SARNP: variants seen among roughly 807,000 people sequenced by gnomAD.
The protein encoded by SARNP is SAP domain containing ribonucleoprotein.
A neutral mutation model predicts 38.1 loss-of-function variants in SARNP; 5 were observed. The ratio of observed to expected loss-of-function variants is 0.13; its 90% CI spans 0.07 to 0.28. SARNP has a LOEUF of 0.28. Ranked by LOEUF, SARNP falls within the 10% of genes least tolerant of loss-of-function variation. The pLI is 1.00. For synonymous variants in SARNP, 84 were observed against 80.6 expected (o/e 1.04, Z -0.23); for missense variants, 180 against 243.9 (o/e 0.74, Z 1.75).
At chr12:55,805,882 A>T (rs1009802186) in intron 1 of SARNP, among the ~76,000 whole-genome samples, 15 of 151,758 alleles carry the variant, frequency 9.9e-5, no homozygotes, top group Non-Finnish European at 2.1e-4. Context: ...AATATAAAAT[A>T]CAAAACTAGC....
In SARNP at chr12:55,764,319, G is replaced by A. The variant is rs544424345; in HGVS notation, c.502-3679C>T. On this transcript the variant is annotated intron_variant, in intron 9 of 10. Transcript: ENST00000336133. ...AGGAAGGATCTTCTAAAATCCTGAG[G>A]TCGGGAGTTCGAGACCAGCCTGACC... 7.5e-4 allele frequency among the ~76,000 whole-genome samples: 114 copies of A among 152,056 alleles called. 1 individual carries two copies. Among genetic ancestry groups the A allele is most frequent in the African/African-American group, 2.7e-3 (110 of 41,484 alleles).
chr12:55,817,620 C>A, intron 1 of SARNP, 46 bp downstream of exon 1: 1 of 1,579,286 alleles, frequency 6.3e-7, no homozygotes, highest in Non-Finnish European at 8.7e-7. Flanking sequence ...CTGTAGAATT[C>A]AGTTCCTAGA....
chr12:55,795,294 T>C (rs568504066), intron 5 of SARNP, among the ~76,000 whole-genome samples: 1 of 152,184 alleles, frequency 6.6e-6, no homozygotes, highest in East Asian at 1.9e-4. Flanking sequence ...AGAAGTAATT[T>C]CTTAGGGTCT....
intron 9 of SARNP, among the ~76,000 whole-genome samples, chr12:55,770,456 G>A (rs1202217084): frequency 6.6e-6 from 1 of 150,378 alleles, no homozygotes; most frequent in African/African-American, 2.5e-5. Context: ...AGCCAGGATG[G>A]TCTCGATCTC....
In SARNP at chr12:55,799,217, T is replaced by C. The variant is rs1195010343; in HGVS notation, c.251+1345A>G. Among the ~76,000 whole-genome samples the C allele has an allele frequency of 3.9e-5, 6 of 152,352 alleles. No homozygotes were observed. The South Asian group carries it at 1.0e-3, about 26-fold the overall frequency. On this transcript the variant is annotated intron_variant, in intron 4 of 10. Coordinates refer to ENST00000336133, the MANE Select transcript of SARNP (RefSeq NM_033082.4). The stretch of plus-strand genomic sequence containing the variant: ...AATTCTTAATTGATATACTCCACTA[T>C]GTACTGACTTTTTACTTGTAAATAC...
intron 9 of SARNP, among the ~76,000 whole-genome samples, chr12:55,771,221 G>A: frequency 6.6e-6 from 1 of 152,106 alleles, no homozygotes; most frequent in Non-Finnish European, 1.5e-5. Context: ...GCCTCCCAAA[G>A]TGCTGGGATT....
At chr12:55,817,555 G>T in intron 1 of SARNP, 111 bp downstream of exon 1, 1 of 1,012,254 alleles carries the variant, frequency 9.9e-7, no homozygotes, top group Non-Finnish European at 1.5e-6. Context: ...CGGGAGCCGA[G>T]AAACGAAGTG....
intron 1 of SARNP, among the ~76,000 whole-genome samples, chr12:55,813,533 C>T (rs1880393422): frequency 7.5e-6 from 1 of 133,740 alleles, no homozygotes; most frequent in Admixed American, 9.1e-5. Context: ...ACACAGGCTG[C>T]CTGGAATTTT....
At position 55,767,185 on chromosome 12, in the gene SARNP, A is replaced by G. The variant is rs190880938; in HGVS notation, c.502-6545T>C. ...ATTGCCGTATTTCTCCTGGTCCTTGAAACAAAGTTTGAGATCACAATCAAA... is the reference window on the plus strand; with the variant it reads ...ATTGCCGTATTTCTCCTGGTCCTTGGAACAAAGTTTGAGATCACAATCAAA... On this transcript the variant is annotated intron_variant, in intron 9 of 10. Coordinates refer to ENST00000336133, the MANE Select transcript of SARNP (RefSeq NM_033082.4). 1.4e-3 allele frequency among the ~76,000 whole-genome samples: 207 copies of G among 152,276 alleles called. 3 individuals carry two copies. The Middle Eastern group carries it at 0.034, about 25-fold the overall frequency.
chr12:55,800,023 C>G (rs185673392), intron 4 of SARNP, among the ~76,000 whole-genome samples: 53 of 151,746 alleles, frequency 3.5e-4, no homozygotes, highest in Admixed American at 1.4e-3. Context: ...AACCCTGTCT[C>G]TACTAAAAAT....
chr12:55,810,699 C>T (rs1164324448), intron 1 of SARNP, among the ~76,000 whole-genome samples: 1 of 151,390 alleles, frequency 6.6e-6, no homozygotes, highest in African/African-American at 2.4e-5. Flanking sequence ...GTGATCTTCC[C>T]GCCTCGGCCT....
rs527484677 is a variant in SARNP, at chr12:55,767,434, A to G, written c.502-6794T>C. Among the ~76,000 whole-genome samples, 8 of 152,072 alleles carry G rather than the reference A, an allele frequency of 5.3e-5. No homozygotes were observed. The East Asian group carries it at 1.5e-3, about 29-fold the overall frequency. The stretch of plus-strand genomic sequence containing the variant: ...CATGGTGGTACATGCCTGTGGTTCC[A>G]GCTACTCGAGAGGCTGATGGGGGAG... On this transcript the variant is annotated intron_variant, in intron 9 of 10. Coordinates refer to ENST00000336133, the MANE Select transcript of SARNP (RefSeq NM_033082.4).
intron 9 of SARNP, among the ~76,000 whole-genome samples, chr12:55,763,416 A>T (rs983441800): frequency 6.6e-6 from 1 of 151,142 alleles, no homozygotes; most frequent in Middle Eastern, 3.4e-3. Context: ...GGTTCAAGGG[A>T]TTCTCCCGCC....
At chr12:55,778,282 G>T (rs918244469) in intron 9 of SARNP, among the ~76,000 whole-genome samples, 1 of 152,072 alleles carries the variant, frequency 6.6e-6, no homozygotes, top group African/African-American at 2.4e-5. Context: ...GAGTAGTTGG[G>T]ACTACAGGTG....
chr12:55,799,863 C>G (rs965324831), intron 4 of SARNP, among the ~76,000 whole-genome samples: 1 of 150,012 alleles, frequency 6.7e-6, no homozygotes, highest in Admixed American at 6.6e-5. Flanking sequence ...CAGTTTTACA[C>G]TTTTCCAGAA....
At chr12:55,768,010 G>T (rs1041606659) in intron 9 of SARNP, among the ~76,000 whole-genome samples, 6 of 152,050 alleles carry the variant, frequency 3.9e-5, no homozygotes, top group African/African-American at 1.4e-4. Context: ...GTATATATTT[G>T]GACAGATGAC....
At chr12:55,779,152 C>T (rs770502101) in intron 9 of SARNP, among the ~76,000 whole-genome samples, 28 of 152,270 alleles carry the variant, frequency 1.8e-4, no homozygotes, top group Non-Finnish European at 3.2e-4. Context: ...TCTCTATCTA[C>T]CATAGAGTTA....
intron 1 of SARNP, among the ~76,000 whole-genome samples, chr12:55,805,876 TA>T (rs1880123878): frequency 6.6e-6 from 1 of 150,628 alleles, no homozygotes; most frequent in Non-Finnish European, 1.5e-5. Flanking sequence ...AATAAAAATA[TA>T]AAATACAAAA....
At chr12:55,798,716 A>G (rs1021812156) in intron 4 of SARNP, among the ~76,000 whole-genome samples, 2 of 152,236 alleles carry the variant, frequency 1.3e-5, no homozygotes. Flanking sequence ...GTTTATCCAT[A>G]GAATGCAATA....
Sources: gnomAD v4.1 joint callset for allele counts (sites outside exome capture counted in the v4.1 genomes callset) on GRCh38, gnomAD v4.1.1 for gene constraint, MANE v1.5 for transcripts, NCBI Gene and HGNC (gene_info 2026-07-23, HGNC 2026-07-21) for gene names.